Variants in PARD3B observed in about 807,000 individuals in gnomAD.
PARD3B encodes par-3 family cell polarity regulator beta.
A neutral mutation model predicts 130.2 loss-of-function variants in PARD3B; 103 were observed. That is an observed-to-expected ratio of 0.79 (90% CI 0.67 to 0.93). PARD3B has a LOEUF of 0.93. Among genes scored for constraint, PARD3B ranks in the 40% least tolerant of loss-of-function variants. The pLI is 0.00. For synonymous variants in PARD3B, 583 were observed against 553.2 expected (o/e 1.05, Z -0.76); for missense variants, 1,609 against 1,499.2 (o/e 1.07, Z -1.21).
intron 3 of PARD3B, among the ~76,000 whole-genome samples, chr2:205,008,051 T>C (rs1226900610): frequency 2.0e-5 from 3 of 152,102 alleles, no homozygotes; most frequent in Non-Finnish European, 2.9e-5. Context: ...GAGAAGAGCT[T>C]CAATAACAAA....
At position 204,917,086 on chromosome 2, in the gene PARD3B, G is replaced by A. The variant is rs537582431; in HGVS notation, c.223-48066G>A. 4.6e-5 allele frequency among the ~76,000 whole-genome samples: 7 copies of A among 152,276 alleles called. No individual in the cohort carries two copies. In the South Asian group the frequency reaches 6.2e-4, roughly 14 times the overall value. Reference sequence around the variant, plus strand: ...GGTCATAAGTGATATAAAGAAATATGGAGTAGAGAGGGAAGTTAGAGCCAG... The same window carrying A: ...GGTCATAAGTGATATAAAGAAATATAGAGTAGAGAGGGAAGTTAGAGCCAG... On this transcript the variant is annotated intron_variant, in intron 2 of 22. Transcript: ENST00000406610.
chr2:205,129,107 G>T (rs1346482982), intron 10 of PARD3B, among the ~76,000 whole-genome samples: 2 of 152,188 alleles, frequency 1.3e-5, no homozygotes, highest in Admixed American at 6.5e-5. Flanking sequence ...TCCTTTAGAA[G>T]TTTCTAGCAA....
At chr2:204,666,660 T>A (rs546883328) in intron 1 of PARD3B, among the ~76,000 whole-genome samples, 1 of 151,908 alleles carries the variant, frequency 6.6e-6, no homozygotes, top group African/African-American at 2.4e-5. Flanking sequence ...TAGAGAGGGG[T>A]ATAGATGAAT....
At chr2:205,607,840 A>C (rs1245309347) in intron 22 of PARD3B, among the ~76,000 whole-genome samples, 5 of 96,382 alleles carry the variant, frequency 5.2e-5, no homozygotes, top group African/African-American at 1.7e-4. Flanking sequence ...ATACACACAC[A>C]CACACACACA....
intron 1 of PARD3B, among the ~76,000 whole-genome samples, chr2:204,643,013 C>G (rs2035136828): frequency 6.8e-6 from 1 of 147,922 alleles, no homozygotes; most frequent in South Asian, 2.2e-4. Context: ...ACTCGGGAGG[C>G]TGAGGCAGGA....
At chr2:204,904,004 A>G (rs1021215227) in intron 2 of PARD3B, among the ~76,000 whole-genome samples, 18 of 152,330 alleles carry the variant, frequency 1.2e-4, no homozygotes, top group African/African-American at 4.1e-4. Context: ...AAAGAAAATT[A>G]TTGATCTATA....
At chr2:205,583,982 G>A (rs2054100383) in intron 22 of PARD3B, among the ~76,000 whole-genome samples, 1 of 152,182 alleles carries the variant, frequency 6.6e-6, no homozygotes. Flanking sequence ...TTTATAAAGA[G>A]CCATGTTACC....
intron 1 of PARD3B, among the ~76,000 whole-genome samples, chr2:204,674,244 T>C (rs1349501244): frequency 6.6e-6 from 1 of 152,198 alleles, no homozygotes; most frequent in African/African-American, 2.4e-5. Context: ...TAATTTATGA[T>C]ACTTCCAGGG....
intron 1 of PARD3B, among the ~76,000 whole-genome samples, chr2:204,577,177 A>T (rs1399436629): frequency 6.6e-6 from 1 of 152,208 alleles, no homozygotes; most frequent in Non-Finnish European, 1.5e-5. Flanking sequence ...GTGTGGCACT[A>T]TTCATACTAC....
chr2:205,525,455 T>A lies in PARD3B; in HGVS notation c.3180+25424T>A, dbSNP rs2051294519. ...TTACAATATAATGCTGGGTGTTATG[T>A]ATGCACAGTTACCTATGAACACAAA... On this transcript the variant is annotated intron_variant, in intron 21 of 22. Coordinates refer to ENST00000406610, the MANE Select transcript of PARD3B (RefSeq NM_001302769.2). The surrounding 1 kb of genome is among the most constrained non-coding windows in gnomAD (Gnocchi z 4.2). Among the ~76,000 whole-genome samples, 1 of 152,196 alleles carries A rather than the reference T, an allele frequency of 6.6e-6. No homozygotes were observed. The highest frequency in any genetic ancestry group is 1.5e-5 in the Non-Finnish European group (1 of 68,028).
chr2:205,211,029 G>C (rs1358926642), intron 15 of PARD3B, among the ~76,000 whole-genome samples: 1 of 152,074 alleles, frequency 6.6e-6, no homozygotes, highest in Non-Finnish European at 1.5e-5. Context: ...CTTTCATTAA[G>C]TGTTCAGAAA....
Position 205,460,838 on chromosome 2 carries a change from A to G in PARD3B, c.3044+20166A>G, listed in dbSNP as rs1317654657. Among the ~76,000 whole-genome samples, 1 of 152,154 alleles carries G rather than the reference A, an allele frequency of 6.6e-6. No homozygotes were observed. Among genetic ancestry groups the G allele is most frequent in the African/African-American group, 2.4e-5 (1 of 41,436 alleles). ...TCACTTTTCTACCACTATTGGTTGA[A>G]GTGCCCTTTATTTGACCCGTCAAAT... is the stretch of plus-strand genomic sequence containing the variant. On this transcript the variant is annotated intron_variant, in intron 20 of 22. Coordinates refer to ENST00000406610, the MANE Select transcript of PARD3B (RefSeq NM_001302769.2). This position sits in a 1 kb window ranked among gnomAD's most constrained non-coding sequence, Gnocchi z 4.9.
chr2:205,422,689 T>C (rs1343484501), intron 19 of PARD3B, among the ~76,000 whole-genome samples: 1 of 152,170 alleles, frequency 6.6e-6, no homozygotes, highest in Non-Finnish European at 1.5e-5. Context: ...GCAGTTCCCA[T>C]AGGAGATAAA....
chr2:204,850,128 C>T (rs2044648749), intron 2 of PARD3B, among the ~76,000 whole-genome samples: 1 of 152,090 alleles, frequency 6.6e-6, no homozygotes. Context: ...TGGCAAAATT[C>T]CAGTATTTGA....
Position 205,504,616 on chromosome 2 carries a change from G to T in PARD3B, c.3180+4585G>T, listed in dbSNP as rs369169057. Among the ~76,000 whole-genome samples, 10 of 152,084 alleles carry T rather than the reference G, an allele frequency of 6.6e-5. No individual in the cohort carries two copies. The East Asian group carries it at 1.4e-3, about 21-fold the overall frequency. On this transcript the variant is annotated intron_variant, in intron 21 of 22. Transcript: ENST00000406610. ...ACACTTCTCAAAAGAAGACATTTAT[G>T]CAGCCAAAAGACACATGAAAAAATG...
chr2:205,074,900 T>A (rs1700946720), intron 4 of PARD3B, among the ~76,000 whole-genome samples: 1 of 152,190 alleles, frequency 6.6e-6, no homozygotes, highest in Non-Finnish European at 1.5e-5. Flanking sequence ...AAAATATAAT[T>A]AAATGATCCA....
At chr2:204,774,653 A>C (rs1028019903) in intron 2 of PARD3B, among the ~76,000 whole-genome samples, 1 of 152,152 alleles carries the variant, frequency 6.6e-6, no homozygotes, top group African/African-American at 2.4e-5. Context: ...TTCTCATCAG[A>C]TATGATTGGA....
chr2:204,877,301 A>T (rs368680903), intron 2 of PARD3B, among the ~76,000 whole-genome samples: 2 of 152,178 alleles, frequency 1.3e-5, no homozygotes, highest in Admixed American at 1.3e-4. Flanking sequence ...AATGTAAATG[A>T]TGAGTTAATG....
At chr2:205,077,692 A>G (rs4675489) in intron 4 of PARD3B, among the ~76,000 whole-genome samples, 93,294 of 151,886 alleles carry the variant, frequency 0.61, 29,324 homozygotes, top group Admixed American at 0.7. Flanking sequence ...GGTGAGAGAG[A>G]TGCCTGAGAG....
Sources: gnomAD v4.1 joint callset for allele counts (sites outside exome capture counted in the v4.1 genomes callset) on GRCh38, gnomAD v4.1.1 for gene constraint, Gnocchi (gnomAD v3.1) non-coding constraint, MANE v1.5 for transcripts, NCBI Gene and HGNC (gene_info 2026-07-23, HGNC 2026-07-21) for gene names.